Variants in DENND2C observed in about 807,000 individuals in gnomAD.
DENND2C encodes the protein DENN domain-containing protein 2C.
Under a neutral mutation model 112.4 loss-of-function variants are expected in DENND2C, and 72 were observed. The observed-to-expected ratio is 0.64, with a 90% confidence interval of 0.53 to 0.78. The LOEUF is 0.78. Among genes scored for constraint, DENND2C ranks in the 30% least tolerant of loss-of-function variants. DENND2C has a pLI of 0.00. For synonymous variants in DENND2C, 329 were observed against 381.6 expected (o/e 0.86, Z 1.61); for missense variants, 992 against 1,113.8 (o/e 0.89, Z 1.56).
chr1:114,608,980 G>C, intron 9 of DENND2C, 107 bp from the exon 10 acceptor site: 2 of 1,218,548 alleles, frequency 1.6e-6, no homozygotes, highest in Middle Eastern at 1.9e-4. Flanking sequence ...AGTCACTGCT[G>C]AATGAATGTT....
intron 3 of DENND2C, among the ~76,000 whole-genome samples, chr1:114,628,319 CAAAA>C (rs760000537): frequency 4.2e-5 from 3 of 71,920 alleles, no homozygotes; most frequent in Non-Finnish European, 5.7e-5. Context: ...GACCCCAACT[CAAAA>C]AAAAAAAAAA....
intron 3 of DENND2C, among the ~76,000 whole-genome samples, chr1:114,631,485 C>T (rs1656487104): frequency 6.6e-6 from 1 of 151,756 alleles, no homozygotes; most frequent in Non-Finnish European, 1.5e-5. Flanking sequence ...AAAAATCAAT[C>T]AATAGAAGTA....
rs1656467301 is a variant in DENND2C at position 114,630,745 on chromosome 1, C to G, written c.-204-4557G>C. 3.9e-5 allele frequency among the ~76,000 whole-genome samples: 6 copies of G among 152,272 alleles called. No homozygotes were observed. In the South Asian group the frequency reaches 1.2e-3, roughly 32 times the overall value. ...GAATCTTTGGTTGAATACTAAGTTG[C>G]TAATGCATAGGATAATACTACATGA... On this transcript the variant is annotated intron_variant, in intron 3 of 20. Transcript: ENST00000393274.
chr1:114,662,745 C>T (rs763344475), intron 1 of DENND2C, among the ~76,000 whole-genome samples: 1 of 152,092 alleles, frequency 6.6e-6, no homozygotes, highest in Non-Finnish European at 1.5e-5. Context: ...ATCCCGAGGT[C>T]GGGAGTTCAA....
intron 20 of DENND2C, 49 bp from the exon 21 acceptor site, chr1:114,585,680 T>C: frequency 6.3e-7 from 1 of 1,587,044 alleles, no homozygotes; most frequent in Non-Finnish European, 8.7e-7. Context: ...TTTTATTTAT[T>C]GTACATTATT....
intron 3 of DENND2C, among the ~76,000 whole-genome samples, chr1:114,641,664 G>GCATCTT (rs1362668959): frequency 2.0e-5 from 3 of 152,092 alleles, no homozygotes; most frequent in Admixed American, 2.0e-4. Flanking sequence ...GAAGATGCTA[G>GCATCTT]GGTCATGCTT....
At chr1:114,666,972 T>C (rs1405853533) in intron 1 of DENND2C, among the ~76,000 whole-genome samples, 3 of 152,208 alleles carry the variant, frequency 2.0e-5, no homozygotes, top group African/African-American at 4.8e-5. Flanking sequence ...TTTGCAATTT[T>C]ATTTTTTCAT....
chr1:114,612,255 T>C (rs575533239), intron 8 of DENND2C, among the ~76,000 whole-genome samples: 3 of 152,316 alleles, frequency 2.0e-5, no homozygotes, highest in African/African-American at 7.2e-5. Context: ...ATAGTATTTA[T>C]TGATGAAGAT....
Position 114,584,139 on chromosome 1 carries a change from C to T in DENND2C, c.*1461G>A, listed in dbSNP as rs1272102925. On this transcript the variant is annotated 3_prime_UTR_variant, in exon 21 of 21. Transcript: ENST00000393274. ...TAAAAGAAATAGCTATATAATCCTA[C>T]TGAGATGAAATTTCCATCTGTAGGA... 6.6e-6 allele frequency: 1 copy of T among 152,170 alleles called. No individual in the cohort carries two copies. The highest frequency in any genetic ancestry group is 6.5e-5 in the Admixed American group (1 of 15,278). 9.4% of individuals were successfully genotyped at this position (152,170 alleles called of 1,614,324 possible).
intron 16 of DENND2C, 55 bp downstream of exon 16, chr1:114,599,219 T>G: frequency 7.2e-7 from 1 of 1,384,286 alleles, no homozygotes; most frequent in Non-Finnish European, 9.9e-7. Context: ...ACTCTTAAGA[T>G]CACTTATTTT....
At chr1:114,666,682 T>C (rs1039456321) in intron 1 of DENND2C, among the ~76,000 whole-genome samples, 20 of 152,186 alleles carry the variant, frequency 1.3e-4, no homozygotes, top group South Asian at 6.2e-4. Context: ...CCCGATCTCC[T>C]GACCTCTTGA....
chr1:114,634,382 G>T (rs1052831553), intron 3 of DENND2C, among the ~76,000 whole-genome samples: 1 of 151,864 alleles, frequency 6.6e-6, no homozygotes, highest in African/African-American at 2.4e-5. Context: ...TGCCCAGGCT[G>T]GAGTGCACTG....
chr1:114,646,986 CCT>C (rs140910618), intron 2 of DENND2C, among the ~76,000 whole-genome samples: 2,439 of 152,064 alleles, frequency 0.016, 61 homozygotes, highest in African/African-American at 0.056. Context: ...ATGGCGAAAC[CCT>C]GTCTCTACTA....
At chr1:114,657,162 C>T (rs986137146) in intron 1 of DENND2C, among the ~76,000 whole-genome samples, 8 of 152,216 alleles carry the variant, frequency 5.3e-5, no homozygotes, top group Non-Finnish European at 1.0e-4. Context: ...CTCAGTCATA[C>T]TGGAATTGTT....
chr1:114,584,790 G>A lies in DENND2C; in HGVS notation c.*810C>T, dbSNP rs1291422680. On this transcript the variant is annotated 3_prime_UTR_variant, in exon 21 of 21. Coordinates refer to ENST00000393274, the MANE Select transcript of DENND2C (RefSeq NM_001256404.2). Reference sequence around the variant, plus strand: ...TACTTATTTTTAAAATGTTTTTGTAGAGATGGGATCTTGCTATGTTGCCCA... The same window carrying A: ...TACTTATTTTTAAAATGTTTTTGTAAAGATGGGATCTTGCTATGTTGCCCA... 5 of 152,026 alleles carry A rather than the reference G, an allele frequency of 3.3e-5. No homozygotes were observed. The highest frequency in any genetic ancestry group is 1.2e-4 in the African/African-American group (5 of 41,382). 9.4% of individuals were successfully genotyped at this position (152,026 alleles called of 1,614,324 possible). A position where few individuals can be genotyped will look rare whatever the true frequency, so the allele number is the denominator to read the frequency against.
intron 18 of DENND2C, among the ~76,000 whole-genome samples, chr1:114,591,063 C>G (rs545061046): frequency 1.3e-5 from 2 of 151,840 alleles, no homozygotes; most frequent in African/African-American, 2.4e-5. Context: ...AATTCCTGGG[C>G]GCAAGTGATC....
chr1:114,608,172 G>A (rs556560414), intron 10 of DENND2C, among the ~76,000 whole-genome samples: 181 of 152,126 alleles, frequency 1.2e-3, no homozygotes, highest in African/African-American at 4.1e-3. Flanking sequence ...AGCTACTCAA[G>A]AGGCTTGAAC....
At chr1:114,601,409 A>G in intron 13 of DENND2C, 99 bp downstream of exon 13, 1 of 1,215,940 alleles carries the variant, frequency 8.2e-7, no homozygotes, top group Non-Finnish European at 1.2e-6. Context: ...TAGTTTACTA[A>G]TAGGGAACCT....
Position 114,625,910 on chromosome 1 carries a change from A to G in DENND2C, c.75T>C (p.Ile25=). The G allele has an allele frequency of 1.2e-6, 2 of 1,614,054 alleles. No homozygotes were observed. The highest frequency in any genetic ancestry group is 1.7e-6 in the Non-Finnish European group (2 of 1,179,990). ...CATTAGCCCTTCCTTCCCATTGAGA[A>G]ATTTTTTGTTTGATGTTTTTGCAGT... is the stretch of plus-strand genomic sequence containing the variant. The part of the protein sequence containing the change: ...RSHCKNIKQK[I]SQWEGRANGI... The change falls in exon 4 of 21, where the codon ATT becomes ATC. Residue 25 remains isoleucine, a synonymous_variant. Transcript: ENST00000393274.
Sources: gnomAD v4.1 joint callset for allele counts (sites outside exome capture counted in the v4.1 genomes callset) on GRCh38, gnomAD v4.1.1 for gene constraint, MANE v1.5 for transcripts, NCBI Gene and HGNC (gene_info 2026-07-23, HGNC 2026-07-21) for gene names.